The following CACNA1C variants were observed in gnomAD, a reference collection of about 807,000 sequenced individuals.
CACNA1C encodes the protein voltage-dependent L-type calcium channel subunit alpha-1C.
Under a neutral mutation model 229.0 loss-of-function variants are expected in CACNA1C, and 30 were observed. The ratio of observed to expected loss-of-function variants is 0.13; its 90% confidence interval spans 0.10 to 0.18. The LOEUF (loss-of-function observed/expected upper bound fraction) is 0.18, where lower values mean the gene tolerates loss of function less well. Among genes scored for constraint, CACNA1C ranks in the 10% least tolerant of loss-of-function variants. The pLI, the probability that CACNA1C is intolerant of heterozygous loss-of-function variation, is 1.00. For missense variants in CACNA1C, 1,658 were observed against 2,845.0 expected, an observed-to-expected ratio of 0.58 and a Z score of 9.49; for synonymous variants, 1,114 against 1,132.5, an observed-to-expected ratio of 0.98 and a Z score of 0.33.
At chr12:2,581,547 C>T (rs2060499396) in intron 13 of CACNA1C, 43 bp from the exon 14 acceptor site, 1 of 1,506,238 alleles carries the variant, frequency 6.6e-7, no homozygotes, top group Non-Finnish European at 8.9e-7. Flanking sequence ...ATGGGGAGGA[C>T]AGCAAGGGGC....
chr12:2,335,002 G>A (rs1057208243), intron 3 of CACNA1C, among the ~76,000 whole-genome samples: 3 of 152,166 alleles, frequency 2.0e-5, no homozygotes, highest in African/African-American at 7.2e-5. Flanking sequence ...GCCCCAGGCT[G>A]AGGCACCCAT....
At chr12:2,090,365 TG>T (rs2070226927) in intron 1 of CACNA1C, among the ~76,000 whole-genome samples, 1 of 129,436 alleles carries the variant, frequency 7.7e-6, no homozygotes, top group South Asian at 2.7e-4. Flanking sequence ...TCACCCAGGC[TG>T]GAGTGCAGTG....
intron 7 of CACNA1C, among the ~76,000 whole-genome samples, chr12:2,503,201 G>T (rs191275398): frequency 6.6e-6 from 1 of 152,300 alleles, no homozygotes; most frequent in East Asian, 1.9e-4. Context: ...CAGTGTCAGG[G>T]TGAGGTCTAG....
intron 3 of CACNA1C, among the ~76,000 whole-genome samples, chr12:2,350,171 G>A (rs1330141075): frequency 6.6e-6 from 1 of 152,168 alleles, no homozygotes; most frequent in Non-Finnish European, 1.5e-5. Flanking sequence ...CACAACACTA[G>A]TGTGAGACCA....
intron 9 of CACNA1C, among the ~76,000 whole-genome samples, chr12:2,534,382 G>A (rs1180195612): frequency 6.6e-6 from 1 of 152,198 alleles, no homozygotes; most frequent in East Asian, 1.9e-4. Context: ...GAGTGATAGT[G>A]ATGTGACATG....
chr12:2,607,220 G>C (rs1016087017), intron 26 of CACNA1C, 90 bp downstream of exon 26: 2 of 1,367,336 alleles, frequency 1.5e-6, no homozygotes, highest in South Asian at 1.4e-5. Flanking sequence ...TTAATGTCCC[G>C]CACTCCCTCT....
At chr12:2,061,912 A>C (rs1043194092) in intron 1 of CACNA1C, among the ~76,000 whole-genome samples, 1 of 152,242 alleles carries the variant, frequency 6.6e-6, no homozygotes, top group Non-Finnish European at 1.5e-5. Flanking sequence ...AAAATGTTGC[A>C]GGTTTGGAGA....
intron 8 of CACNA1C, among the ~76,000 whole-genome samples, chr12:2,510,175 G>C (rs1221711491): frequency 6.6e-6 from 1 of 152,204 alleles, no homozygotes; most frequent in African/African-American, 2.4e-5. Flanking sequence ...GCCGGCTTCA[G>C]TCCCTGGGCC....
At chr12:2,236,940 G>C (rs1309927884) in intron 3 of CACNA1C, among the ~76,000 whole-genome samples, 1 of 152,172 alleles carries the variant, frequency 6.6e-6, no homozygotes, top group Non-Finnish European at 1.5e-5. Flanking sequence ...GCCTCCAGGG[G>C]TTTCTGGTCC....
intron 13 of CACNA1C, among the ~76,000 whole-genome samples, chr12:2,569,788 G>T (rs2053345834): frequency 6.6e-6 from 1 of 152,070 alleles, no homozygotes; most frequent in Non-Finnish European, 1.5e-5. Flanking sequence ...GTAGGCTTTT[G>T]TTTTTCTTGG....
At chr12:2,350,055 C>G (rs1369710320) in intron 3 of CACNA1C, among the ~76,000 whole-genome samples, 1 of 152,166 alleles carries the variant, frequency 6.6e-6, no homozygotes, top group African/African-American at 2.4e-5. Flanking sequence ...TATGACACCC[C>G]TCTTAGGAGT....
At chr12:2,313,073 T>C (rs1365502311) in intron 3 of CACNA1C, among the ~76,000 whole-genome samples, 2 of 152,062 alleles carry the variant, frequency 1.3e-5, no homozygotes, top group Admixed American at 1.3e-4. Flanking sequence ...GGCCTGGGAG[T>C]ACAGAGACCA....
At chr12:2,060,816 T>C (rs1175652860) in intron 1 of CACNA1C, among the ~76,000 whole-genome samples, 1 of 152,258 alleles carries the variant, frequency 6.6e-6, no homozygotes, top group Admixed American at 6.5e-5. Context: ...TCCTGTCCTT[T>C]AGAGAACCAA....
chr12:2,032,688 C>G (rs2048429376), intron 1 of CACNA1C, among the ~76,000 whole-genome samples: 1 of 152,158 alleles, frequency 6.6e-6, no homozygotes, highest in Non-Finnish European at 1.5e-5. Flanking sequence ...TTGTCTTGTC[C>G]TCTGAATTAT....
At position 2,319,553 on chromosome 12, in the gene CACNA1C, CAG is replaced by C. The variant is rs986918811; in HGVS notation, c.478-129422_478-129421del. Among the ~76,000 whole-genome samples, 1 of 152,164 alleles carries C rather than the reference CAG, an allele frequency of 6.6e-6. No individual in the cohort carries two copies. The highest frequency in any genetic ancestry group is 2.4e-5 in the African/African-American group (1 of 41,436). On this transcript the variant is annotated intron_variant, in intron 3 of 46. Transcript: ENST00000399655. This position sits in a 1 kb window ranked among gnomAD's most constrained non-coding sequence, Gnocchi z 4.0. ...TGGGTTGGATTCCAGGGTCTCCACT[CAG>C]GGGCATTGCCGGGTGAGCCTGAGAT...
chr12:2,313,293 C>T (rs2095529366), intron 3 of CACNA1C, among the ~76,000 whole-genome samples: 1 of 152,188 alleles, frequency 6.6e-6, no homozygotes, highest in Non-Finnish European at 1.5e-5. Context: ...GCATCCACTA[C>T]ATTCTGCGGG....
intron 1 of CACNA1C, among the ~76,000 whole-genome samples, chr12:2,035,151 G>C (rs113682620): frequency 0.017 from 2,552 of 152,272 alleles, 77 homozygotes; most frequent in African/African-American, 0.056. Context: ...GCGTGTGCCC[G>C]GGCCCTCCGC....
At position 2,678,701 on chromosome 12, in the gene CACNA1C, C is replaced by G. The variant is rs1321030039; in HGVS notation, c.5092-743C>G. Among the ~76,000 whole-genome samples the G allele has an allele frequency of 6.6e-6, 1 of 152,194 alleles. No homozygotes were observed. The highest frequency in any genetic ancestry group is 1.9e-4 in the East Asian group (1 of 5,184). ...CTTATTCTTGTCACTGGGAGACATT[C>G]GTCACTGAGTGGCCTCAGGGACATG... On this transcript the variant is annotated intron_variant, in intron 41 of 46. Coordinates refer to ENST00000399655, the MANE Select transcript of CACNA1C (RefSeq NM_000719.7). This position sits in a 1 kb window ranked among gnomAD's most constrained non-coding sequence, Gnocchi z 4.1.
intron 3 of CACNA1C, among the ~76,000 whole-genome samples, chr12:2,136,285 C>T (rs984504676): frequency 4.6e-5 from 7 of 151,308 alleles, no homozygotes; most frequent in East Asian, 1.9e-4. Flanking sequence ...AGCTGTAGAC[C>T]GGAGCTGTTC....
Sources: allele counts gnomAD v4.1 joint callset (sites outside exome capture counted in the v4.1 genomes callset), GRCh38; gene constraint gnomAD v4.1.1; non-coding constraint Gnocchi (gnomAD v3.1); transcripts MANE v1.5; gene names NCBI Gene and HGNC (gene_info 2026-07-23, HGNC 2026-07-21).